Variants in MDM1 observed in about 807,000 individuals in gnomAD.
MDM1 encodes Mdm1 nuclear protein.
Under a neutral mutation model 89.1 loss-of-function variants are expected in MDM1, and 61 were observed. That is an observed-to-expected ratio of 0.68 (90% CI 0.56 to 0.85). The LOEUF is 0.85. MDM1 is among the 40% of genes least tolerant of loss of function. The pLI is 0.00. For synonymous variants in MDM1, 290 were observed against 294.1 expected, an observed-to-expected ratio of 0.99 and a Z score of 0.14; for missense variants, 820 against 846.5, an observed-to-expected ratio of 0.97 and a Z score of 0.39.
chr12:68,323,523 T>G lies in MDM1; in HGVS notation c.634-283A>C, dbSNP rs1302183233. On this transcript the variant is annotated intron_variant, in intron 4 of 14. Coordinates refer to ENST00000682720, the MANE Select transcript of MDM1 (RefSeq NM_001354969.2). ...ATAGACATTAGCTTTAAGGCAACTC[T>G]GTTGTCAGTTCTACAGGTTTTTTTC... 2.0e-5 allele frequency: 4 copies of G among 197,906 alleles called. No individual in the cohort carries two copies. The East Asian group carries it at 5.0e-4, about 25-fold the overall frequency. 12.3% of individuals were successfully genotyped at this position (197,906 alleles called of 1,614,324 possible). A position where few individuals can be genotyped will look rare whatever the true frequency, so the allele number is the denominator to read the frequency against.
chr12:68,326,516 G>T (rs967790428), intron 3 of MDM1, 141 bp downstream of exon 3: 85 of 1,574,306 alleles, frequency 5.4e-5, no homozygotes, highest in Non-Finnish European at 7.0e-5. Flanking sequence ...TCAACAGCCT[G>T]TTATCAACTA....
chr12:68,295,457 C>G, intron 14 of MDM1, 91 bp from the exon 15 acceptor site: 5 of 804,984 alleles, frequency 6.2e-6, no homozygotes, highest in Non-Finnish European at 7.9e-6. Flanking sequence ...TTAAAAGCAT[C>G]AAACTGTGTT....
chr12:68,307,371 GCC>G (rs920888230), intron 12 of MDM1, among the ~76,000 whole-genome samples: 3 of 152,316 alleles, frequency 2.0e-5, no homozygotes, highest in Admixed American at 1.3e-4. Context: ...AGTGGCTCAA[GCC>G]TGTAATCATC....
At chr12:68,301,633 A>G (rs1474774138) in intron 13 of MDM1, among the ~76,000 whole-genome samples, 1 of 152,232 alleles carries the variant, frequency 6.6e-6, no homozygotes, top group Admixed American at 6.5e-5. Flanking sequence ...GAAGATAAAA[A>G]TTAGTAACCC....
Position 68,316,113 on chromosome 12 carries a change from G to A in MDM1, c.1176C>T (p.Thr392=), listed in dbSNP as rs771975923. The A allele has an allele frequency of 1.3e-5, 21 of 1,612,270 alleles. No homozygotes were observed. Among genetic ancestry groups the A allele is most frequent in the African/African-American group, 9.4e-5 (7 of 74,756 alleles). ...CTAATGCTCTGATGTTGCTACTAAC[G>A]GTTCCTTCTGAGCTTGTGGTTGAGG... ...DVSSTTSSEG[T]VSSNIRALDL... Residue 392 remains threonine (T), a synonymous_variant, in exon 9 of 15, where the codon ACC becomes ACT. Transcript: ENST00000682720.
chr12:68,313,717 C>T lies in MDM1; in HGVS notation c.1566G>A (p.Arg522=), dbSNP rs778938691. ...GTTCTCTCAGCTTGGGAGTAGGAAG[C>T]CGGCCTCCTTTTTCTGAGGATACAG... ...DSSVSSEKGG[R]LPTPKLRELG... is the part of the protein sequence containing the mutation. The change falls in exon 11 of 15, where the codon CGG becomes CGA. Residue 522 remains arginine, a synonymous_variant. Coordinates refer to ENST00000682720, the MANE Select transcript of MDM1 (RefSeq NM_001354969.2). 1.9e-6 allele frequency: 3 copies of T among 1,614,116 alleles called. No individual in the cohort carries two copies. Among genetic ancestry groups the T allele is most frequent in the Non-Finnish European group, 2.5e-6 (3 of 1,179,978 alleles).
chr12:68,306,547 A>G (rs761222010), intron 12 of MDM1, among the ~76,000 whole-genome samples: 7 of 152,282 alleles, frequency 4.6e-5, no homozygotes, highest in Admixed American at 1.3e-4. Context: ...AACAAGAAAA[A>G]AACAACTCCA....
At chr12:68,305,750 G>A (rs1372009207) in intron 12 of MDM1, among the ~76,000 whole-genome samples, 2 of 152,070 alleles carry the variant, frequency 1.3e-5, no homozygotes, top group African/African-American at 2.4e-5. Context: ...AATTATAGAT[G>A]ACATAAACAA....
chr12:68,313,205 GCTTT>G (rs1274251293), intron 12 of MDM1, among the ~76,000 whole-genome samples: 2 of 152,114 alleles, frequency 1.3e-5, no homozygotes, highest in African/African-American at 2.4e-5. Context: ...TGAAAGTATT[GCTTT>G]CTTTATCTTC....
chr12:68,325,703 T>C (rs1875874054), intron 3 of MDM1, 128 bp from the exon 4 acceptor site: 4 of 1,356,360 alleles, frequency 2.9e-6, no homozygotes, highest in Middle Eastern at 2.8e-4. Context: ...CAGTGCAAAA[T>C]TGTTAACTAC....
At chr12:68,325,385 C>T in intron 4 of MDM1, 56 bp downstream of exon 4, 8 of 1,416,520 alleles carry the variant, frequency 5.6e-6, no homozygotes, top group Non-Finnish European at 6.5e-6. Context: ...CTATGTAAAT[C>T]TACATTACTA....
chr12:68,317,885 A>G (rs763431610), intron 7 of MDM1, among the ~76,000 whole-genome samples: 11 of 152,118 alleles, frequency 7.2e-5, no homozygotes, highest in Non-Finnish European at 1.2e-4. Flanking sequence ...CCACTCCATC[A>G]CCTACATGCC....
intron 8 of MDM1, 74 bp downstream of exon 8, chr12:68,316,507 C>A: frequency 7.9e-7 from 1 of 1,264,864 alleles, no homozygotes; most frequent in Non-Finnish European, 1.1e-6. Context: ...AATATTGACA[C>A]CTACTTTTTA....
intron 10 of MDM1, among the ~76,000 whole-genome samples, chr12:68,314,442 T>C (rs1054041826): frequency 5.9e-5 from 9 of 152,118 alleles, no homozygotes; most frequent in Admixed American, 2.0e-4. Context: ...ATAACATCCA[T>C]GAATGAATAA....
chr12:68,312,612 C>T (rs1873842853), intron 12 of MDM1, among the ~76,000 whole-genome samples: 1 of 152,126 alleles, frequency 6.6e-6, no homozygotes, highest in Non-Finnish European at 1.5e-5. Context: ...CCAGAAAGAC[C>T]TTGGAAAAAA....
chr12:68,320,376 C>A (rs1875055883), intron 7 of MDM1, among the ~76,000 whole-genome samples: 1 of 150,940 alleles, frequency 6.6e-6, no homozygotes, highest in Non-Finnish European at 1.5e-5. Flanking sequence ...TCAGGCCGTG[C>A]TCAAATAGAG....
At chr12:68,301,975 G>A (rs1335271275) in intron 13 of MDM1, among the ~76,000 whole-genome samples, 1 of 152,054 alleles carries the variant, frequency 6.6e-6, no homozygotes, top group East Asian at 1.9e-4. Context: ...CACTGTGCCT[G>A]GCCAGGAGAG....
At chr12:68,327,574 G>A in intron 2 of MDM1, 1 of 1,462,334 alleles carries the variant, frequency 6.8e-7, no homozygotes, top group Non-Finnish European at 9.2e-7. Context: ...CTATATTTCT[G>A]TATGGAAAGC....
chr12:68,296,484 G>A (rs145819229), intron 14 of MDM1, among the ~76,000 whole-genome samples: 1,831 of 152,326 alleles, frequency 0.012, 42 homozygotes, highest in African/African-American at 0.042. Context: ...GCGACAGAGC[G>A]AGACTCCGTC....
Sources: allele counts gnomAD v4.1 joint callset (sites outside exome capture counted in the v4.1 genomes callset), GRCh38; gene constraint gnomAD v4.1.1; transcripts MANE v1.5; gene names NCBI Gene and HGNC (gene_info 2026-07-23, HGNC 2026-07-21).